The following RNF19A variants were observed in gnomAD, a reference collection of about 807,000 sequenced individuals.
RNF19A encodes the protein E3 ubiquitin-protein ligase RNF19A.
In RNF19A, 32 loss-of-function variants were observed where a neutral mutation model predicts 75.7. The ratio of observed to expected loss-of-function variants is 0.42; its 90% CI spans 0.32 to 0.57. The LOEUF (loss-of-function observed/expected upper bound fraction) is 0.57, where lower values mean the gene tolerates loss of function less well. Among genes scored for constraint, RNF19A ranks in the 20% least tolerant of loss-of-function variants. The pLI, the probability that RNF19A is intolerant of heterozygous loss-of-function variation, is 0.10. For synonymous variants in RNF19A, 335 were observed against 345.2 expected (o/e 0.97, Z 0.33); for missense variants, 782 against 1,036.3 (o/e 0.75, Z 3.37).
chr8:100,318,144 C>T (rs1822410363), intron 1 of RNF19A, among the ~76,000 whole-genome samples: 1 of 152,192 alleles, frequency 6.6e-6, no homozygotes, highest in Non-Finnish European at 1.5e-5. Flanking sequence ...CTGACAATAT[C>T]TAGAAAATAT....
rs1197553833 is a variant in RNF19A, at chr8:100,261,880, AT to A, written c.1469-126del. ...AAAATATACGCAGACATGGAAAAAT[AT>A]TTTTTTCAGGCTAGTCCACTAGAAG... On this transcript the variant is annotated intron_variant, in intron 7 of 9. Coordinates refer to ENST00000341084, the MANE Select transcript of RNF19A (RefSeq NM_183419.4). The surrounding 1 kb of genome is among the most constrained non-coding windows in gnomAD (Gnocchi z 4.4). The A allele has an allele frequency of 2.8e-5, 27 of 977,770 alleles. No homozygotes were observed. The highest frequency in any genetic ancestry group is 4.2e-5 in the Non-Finnish European group (27 of 649,562). The allele number at this position is 977,770 out of a possible 1,614,324, so 60.6% of individuals were successfully genotyped here.
intron 1 of RNF19A, among the ~76,000 whole-genome samples, chr8:100,334,071 T>G (rs1421337909): frequency 6.6e-6 from 1 of 152,216 alleles, no homozygotes; most frequent in Non-Finnish European, 1.5e-5. Context: ...GCTCATTCTG[T>G]TCACTGTGCT....
Position 100,275,326 on chromosome 8 carries a change from T to C in RNF19A, c.675-165A>G, listed in dbSNP as rs950321534. Among the ~76,000 whole-genome samples, 5 of 151,956 alleles carry C rather than the reference T, an allele frequency of 3.3e-5. No individual in the cohort carries two copies. The highest frequency in any genetic ancestry group is 7.4e-5 in the Non-Finnish European group (5 of 68,006). ...AATATAAAAATGGGGGAAAATGAAG[T>C]TTACAAATGAAGATATATAAATGGT... On this transcript the variant is annotated intron_variant, in intron 2 of 9. Coordinates refer to ENST00000341084, the MANE Select transcript of RNF19A (RefSeq NM_183419.4). This position sits in a 1 kb window ranked among gnomAD's most constrained non-coding sequence, Gnocchi z 4.3.
At chr8:100,268,454 C>T (rs1189896684) in intron 5 of RNF19A, 4 of 179,910 alleles carry the variant, frequency 2.2e-5, no homozygotes, top group Non-Finnish European at 3.5e-5. Flanking sequence ...TTAAAAAGAT[C>T]TCATAGACCT....
chr8:100,290,424 A>G (rs956967641), intron 1 of RNF19A, among the ~76,000 whole-genome samples: 9 of 152,206 alleles, frequency 5.9e-5, no homozygotes, highest in African/African-American at 2.2e-4. Flanking sequence ...TATGTGCAGT[A>G]TGCATAGTGG....
At chr8:100,328,281 G>A (rs936219897) in intron 1 of RNF19A, among the ~76,000 whole-genome samples, 1 of 152,142 alleles carries the variant, frequency 6.6e-6, no homozygotes, top group African/African-American at 2.4e-5. Context: ...CAGTGTTGGG[G>A]CTGAGACTCA....
chr8:100,278,293 T>C (rs1347745038), intron 2 of RNF19A, among the ~76,000 whole-genome samples: 2 of 152,266 alleles, frequency 1.3e-5, no homozygotes, highest in Non-Finnish European at 2.9e-5. Flanking sequence ...CAAGTGACTA[T>C]CATTTCTACA....
At position 100,260,760 on chromosome 8, in the gene RNF19A, A is replaced by C. The variant is rs1401840769; in HGVS notation, c.1683-763T>G. On this transcript the variant is annotated intron_variant, in intron 8 of 9. Transcript: ENST00000341084. The surrounding 1 kb of genome is among the most constrained non-coding windows in gnomAD (Gnocchi z 4.1). ...GAATTAAAGAGAAACAGGGGAAGAT[A>C]ATTTTTCCTACTTATCTATATGGCT... Among the ~76,000 whole-genome samples, 1 of 152,198 alleles carries C rather than the reference A, an allele frequency of 6.6e-6. No homozygotes were observed. Among genetic ancestry groups the C allele is most frequent in the East Asian group, 1.9e-4 (1 of 5,198 alleles).
chr8:100,263,279 A>G (rs1819812364), intron 7 of RNF19A, among the ~76,000 whole-genome samples: 1 of 152,122 alleles, frequency 6.6e-6, no homozygotes, highest in Non-Finnish European at 1.5e-5. Context: ...GTGGTTTCCC[A>G]TAAGAAAAGT....
In RNF19A at chr8:100,329,945, A is replaced by G. The variant is rs1822588898; in HGVS notation, c.-243+6163T>C. Among the ~76,000 whole-genome samples the G allele has an allele frequency of 6.6e-6, 1 of 152,242 alleles. No homozygotes were observed. Among genetic ancestry groups the G allele is most frequent in the Non-Finnish European group, 1.5e-5 (1 of 68,046 alleles). On this transcript the variant is annotated intron_variant, in intron 1 of 3. Transcript: ENST00000519527. The surrounding 1 kb of genome is among the most constrained non-coding windows in gnomAD (Gnocchi z 4.3). ...TAAATACTTTCCAAAATCATGAACTATCTATTACTGAATATGTTCAAGTAG... is the reference window on the plus strand; with the variant it reads ...TAAATACTTTCCAAAATCATGAACTGTCTATTACTGAATATGTTCAAGTAG...
At position 100,287,427 on chromosome 8, in the gene RNF19A, T is replaced by A; in HGVS notation, c.674+74A>T. 6.8e-7 allele frequency: 1 copy of A among 1,468,540 alleles called. No individual in the cohort carries two copies. Among genetic ancestry groups the A allele is most frequent in the Non-Finnish European group, 9.1e-7 (1 of 1,095,094 alleles). 91.0% of individuals were successfully genotyped at this position (1,468,540 alleles called of 1,614,324 possible). ...TTCTCCAGCATGTAAAAATTTTTCT[T>A]TTGAGTAATAGCAAATTATTTTATC... is the stretch of plus-strand genomic sequence containing the variant. On this transcript the variant is annotated intron_variant, in intron 2 of 9. Coordinates refer to ENST00000341084, the MANE Select transcript of RNF19A (RefSeq NM_183419.4). This position sits in a 1 kb window ranked among gnomAD's most constrained non-coding sequence, Gnocchi z 4.1.
chr8:100,316,166 CG>C (rs1425281057), intron 1 of RNF19A, among the ~76,000 whole-genome samples: 1 of 150,970 alleles, frequency 6.6e-6, no homozygotes, highest in Non-Finnish European at 1.5e-5. Context: ...GCTCTTAAGA[CG>C]GCGTGTCTGG....
intron 2 of RNF19A, among the ~76,000 whole-genome samples, chr8:100,283,228 A>T (rs1428804647): frequency 6.6e-6 from 1 of 152,240 alleles, no homozygotes; most frequent in Non-Finnish European, 1.5e-5. Context: ...GCCTTAGCCA[A>T]CTGAAACAGG....
Position 100,333,729 on chromosome 8 carries a change from G to T in RNF19A, c.-243+2379C>A, listed in dbSNP as rs565805464. Among the ~76,000 whole-genome samples, 8 of 152,222 alleles carry T rather than the reference G, an allele frequency of 5.3e-5. No individual in the cohort carries two copies. The highest frequency in any genetic ancestry group is 7.4e-5 in the Non-Finnish European group (5 of 68,004). On this transcript the variant is annotated intron_variant, in intron 1 of 3. Coordinates refer to the RNF19A transcript ENST00000519527. This position sits in a 1 kb window ranked among gnomAD's most constrained non-coding sequence, Gnocchi z 4.7. Reference sequence around the variant, plus strand: ...GCTACTTAGGAGGCTGAGGTGGGAGGATCACTTGAGCCCAGGAGTTCAATG... The same window carrying T: ...GCTACTTAGGAGGCTGAGGTGGGAGTATCACTTGAGCCCAGGAGTTCAATG...
intron 1 of RNF19A, chr8:100,309,471 TC>T (rs1650044303): frequency 1.0e-6 from 1 of 985,392 alleles, no homozygotes; most frequent in Non-Finnish European, 1.2e-6. Context: ...CCCTTGGGTC[TC>T]CCCCGCTTTA....
At position 100,259,884 on chromosome 8, in the gene RNF19A, G is replaced by T. The variant is rs760475877; in HGVS notation, c.1796C>A (p.Ser599Tyr). ...CAATGGGATGTAGGAATTCAGAATG[G>T]ATCCTGCCATTGCTTTGGTGCTGGC... is the stretch of plus-strand genomic sequence containing the variant. ...DNASTKAMAG[S>Y]ILNSYIPLDK... Residue 599 changes from serine (S) to tyrosine (Y), a missense_variant, in exon 9 of 10, where the codon TCC (serine) becomes TAC (tyrosine). Transcript: ENST00000341084. This position sits in a 1 kb window ranked among gnomAD's most constrained non-coding sequence, Gnocchi z 4.5. 1 of 1,613,572 alleles carries T rather than the reference G, an allele frequency of 6.2e-7. No homozygotes were observed. Among genetic ancestry groups the T allele is most frequent in the Non-Finnish European group, 8.5e-7 (1 of 1,179,788 alleles).
upstream of RNF19A, among the ~76,000 whole-genome samples, chr8:100,311,519 C>CCATCCTGGCTAA (rs1299198287): frequency 6.6e-6 from 1 of 151,712 alleles, no homozygotes; most frequent in Non-Finnish European, 1.5e-5. Flanking sequence ...GAGATCGAGA[C>CCATCCTGGCTAA]CATCCTGGCT....
At chr8:100,296,980 A>C (rs1159806879) in intron 1 of RNF19A, among the ~76,000 whole-genome samples, 1 of 152,238 alleles carries the variant, frequency 6.6e-6, no homozygotes, top group Non-Finnish European at 1.5e-5. Context: ...CATGTATTGA[A>C]AACAAAAATC....
chr8:100,329,706 G>C lies in RNF19A; in HGVS notation c.-243+6402C>G, dbSNP rs1231984484. Reference sequence around the variant, plus strand: ...AAGAACTGGTTGTACTTGGCTAAGAGAGAAAAGACTAGAGCAGAAATGAAG... The same window carrying C: ...AAGAACTGGTTGTACTTGGCTAAGACAGAAAAGACTAGAGCAGAAATGAAG... On this transcript the variant is annotated intron_variant, in intron 1 of 3. Coordinates refer to the RNF19A transcript ENST00000519527. This position sits in a 1 kb window ranked among gnomAD's most constrained non-coding sequence, Gnocchi z 4.3. 6.6e-6 allele frequency among the ~76,000 whole-genome samples: 1 copy of C among 152,208 alleles called. No individual in the cohort carries two copies. Among genetic ancestry groups the C allele is most frequent in the African/African-American group, 2.4e-5 (1 of 41,454 alleles).
Sources: allele counts gnomAD v4.1 joint callset (sites outside exome capture counted in the v4.1 genomes callset), GRCh38; gene constraint gnomAD v4.1.1; non-coding constraint Gnocchi (gnomAD v3.1); transcripts MANE v1.5; gene names NCBI Gene and HGNC (gene_info 2026-07-23, HGNC 2026-07-21).